The following DNM3 variants were observed in gnomAD, a reference collection of about 807,000 sequenced individuals.
DNM3 encodes the protein dynamin 3, also known as dynamin-3.
A neutral mutation model predicts 101.6 loss-of-function variants in DNM3; 47 were observed. The ratio of observed to expected loss-of-function variants is 0.46; its 90% CI spans 0.37 to 0.59. The LOEUF (loss-of-function observed/expected upper bound fraction) is 0.59, where lower values mean the gene tolerates loss of function less well. Ranked by LOEUF, DNM3 falls within the 20% of genes least tolerant of loss-of-function variation. DNM3 has a pLI of 0.00. For missense variants in DNM3, 849 were observed against 1,085.7 expected, an observed-to-expected ratio of 0.78 and a Z score of 3.06; for synonymous variants, 385 against 387.9, an observed-to-expected ratio of 0.99 and a Z score of 0.09.
chr1:171,923,495 AT>A (rs1210335506), intron 2 of DNM3, among the ~76,000 whole-genome samples: 1 of 151,164 alleles, frequency 6.6e-6, no homozygotes, highest in Non-Finnish European at 1.5e-5. Flanking sequence ...GAAGCACAAG[AT>A]TTTTTATTTT....
intron 17 of DNM3, among the ~76,000 whole-genome samples, chr1:172,348,964 T>C (rs2067073704): frequency 6.6e-6 from 1 of 152,196 alleles, no homozygotes; most frequent in Non-Finnish European, 1.5e-5. Flanking sequence ...CCAGTAGCAT[T>C]GTCAGTAAAC....
intron 14 of DNM3, among the ~76,000 whole-genome samples, chr1:172,191,274 A>C (rs1018220106): frequency 2.6e-5 from 4 of 152,072 alleles, no homozygotes; most frequent in African/African-American, 9.7e-5. Flanking sequence ...TAAATAGGGA[A>C]TCTTTCCCCA....
chr1:172,229,094 G>A (rs369407848), intron 14 of DNM3, among the ~76,000 whole-genome samples: 1 of 152,046 alleles, frequency 6.6e-6, no homozygotes, highest in East Asian at 1.9e-4. Flanking sequence ...AGTATCCAAC[G>A]AGTTAGGCTT....
chr1:172,070,000 A>G (rs2052028172), intron 11 of DNM3, among the ~76,000 whole-genome samples: 1 of 152,122 alleles, frequency 6.6e-6, no homozygotes. Flanking sequence ...AGAAAGGAGA[A>G]AAGGAAGGAC....
At chr1:171,996,784 T>C (rs2046024977) in intron 4 of DNM3, among the ~76,000 whole-genome samples, 1 of 152,124 alleles carries the variant, frequency 6.6e-6, no homozygotes, top group East Asian at 1.9e-4. Context: ...ATTCTAACAC[T>C]TTGGGAGGCC....
chr1:172,149,665 A>C (rs1338676133), intron 14 of DNM3, among the ~76,000 whole-genome samples: 1 of 152,154 alleles, frequency 6.6e-6, no homozygotes, highest in African/African-American at 2.4e-5. Context: ...CAAGAGAATC[A>C]TGGTGTCCTC....
chr1:172,033,195 T>G lies in DNM3; in HGVS notation c.779T>G (p.Leu260Arg). 3 of 1,609,738 alleles carry G rather than the reference T, an allele frequency of 1.9e-6. No homozygotes were observed. Among genetic ancestry groups the G allele is most frequent in the Non-Finnish European group, 2.5e-6 (3 of 1,177,992 alleles). Residue 260 changes from leucine to arginine, a missense_variant, in exon 6 of 21, where the codon CTT becomes CGT. By Grantham distance (102) the Leu-to-Arg change is moderately radical. Transcript: ENST00000627582. ...ATGCTGGCAGAGAGGAAGTTTTTCC[T>G]TTCCCACCCGGCTTACAGACATATC... ...AAMLAERKFFLSHPAYRHIAD... is the reference protein window; with the variant it reads ...AAMLAERKFFRSHPAYRHIAD...
Position 171,961,636 on chromosome 1 carries a change from C to G in DNM3, c.236-26020C>G, listed in dbSNP as rs546726415. Among the ~76,000 whole-genome samples, 5 of 152,262 alleles carry G rather than the reference C, an allele frequency of 3.3e-5. No individual in the cohort carries two copies. In the East Asian group the frequency reaches 5.8e-4, roughly 18 times the overall value. ...AAAGATTGGAAAGCGGGGGCCCAAA[C>G]AGATATGTGCCCACCAATGTTCACA... On this transcript the variant is annotated intron_variant, in intron 2 of 20. Transcript: ENST00000627582.
At chr1:171,987,005 G>A (rs545640948) in intron 2 of DNM3, among the ~76,000 whole-genome samples, 32 of 152,142 alleles carry the variant, frequency 2.1e-4, no homozygotes, top group African/African-American at 7.2e-4. Flanking sequence ...TGTTATTTAT[G>A]TAGTTATTTT....
intron 1 of DNM3, among the ~76,000 whole-genome samples, chr1:171,900,321 G>A (rs1162788485): frequency 1.3e-5 from 2 of 152,062 alleles, no homozygotes; most frequent in Non-Finnish European, 2.9e-5. Flanking sequence ...AGATTCACGG[G>A]TGGTAGCCAT....
intron 14 of DNM3, chr1:172,132,882 A>T: frequency 1.1e-6 from 1 of 881,216 alleles, no homozygotes; most frequent in Admixed American, 2.0e-5. Context: ...TATTTTCCTT[A>T]TTGCAGAACA....
At chr1:172,082,431 TTATCATGCAA>T (rs2053230562) in intron 12 of DNM3, among the ~76,000 whole-genome samples, 1 of 152,120 alleles carries the variant, frequency 6.6e-6, no homozygotes, top group Non-Finnish European at 1.5e-5. Flanking sequence ...TTCATATACG[TTATCATGCAA>T]ACGTTATGGT....
At chr1:171,956,302 T>A (rs1212532618) in intron 2 of DNM3, among the ~76,000 whole-genome samples, 3 of 152,088 alleles carry the variant, frequency 2.0e-5, no homozygotes, top group African/African-American at 7.2e-5. Context: ...ACAATGGGGG[T>A]ACCCACTGGA....
At position 172,081,898 on chromosome 1, in the gene DNM3, G is replaced by T; in HGVS notation, c.1489G>T (p.Ala497Ser). The T allele has an allele frequency of 2.5e-6, 4 of 1,612,316 alleles. No individual in the cohort carries two copies. The highest frequency in any genetic ancestry group is 2.2e-5 in the South Asian group (2 of 90,610). ...NTNHEDFIGF[A>S]NAQQRSSQVH... Reference sequence around the variant, plus strand: ...CAACCATGAAGACTTCATTGGCTTCGCAAAGTACGTGAAACACTTGATGGC... The same window carrying T: ...CAACCATGAAGACTTCATTGGCTTCTCAAAGTACGTGAAACACTTGATGGC... Residue 497 changes from alanine (A) to serine (S), a missense_variant, in exon 12 of 21, where the codon GCA becomes TCA. Physicochemically the swap from Ala to Ser is moderately conservative, Grantham distance 99 (BLOSUM62 1). Transcript: ENST00000627582.
intron 17 of DNM3, among the ~76,000 whole-genome samples, chr1:172,363,801 A>G (rs1470802719): frequency 6.6e-6 from 1 of 151,768 alleles, no homozygotes; most frequent in African/African-American, 2.4e-5. Context: ...TTCTCAATAT[A>G]TTTGTTACCA....
intron 15 of DNM3, among the ~76,000 whole-genome samples, chr1:172,267,713 C>CTT (rs200336379): frequency 1.3e-3 from 199 of 148,830 alleles, no homozygotes; most frequent in African/African-American, 4.8e-3. Flanking sequence ...TTCAGGTTTT[C>CTT]TTTTTTTTTT....
intron 14 of DNM3, among the ~76,000 whole-genome samples, chr1:172,221,167 C>CATT (rs1196173601): frequency 2.6e-5 from 4 of 152,008 alleles, no homozygotes; most frequent in African/African-American, 9.7e-5. Flanking sequence ...AACTTGGTCA[C>CATT]ATTATTATTA....
At position 172,317,316 on chromosome 1, in the gene DNM3, A is replaced by T. The variant is rs552898501; in HGVS notation, c.1882-6013A>T. 2.7e-3 allele frequency among the ~76,000 whole-genome samples: 414 copies of T among 151,874 alleles called. 1 individual carries two copies. Among genetic ancestry groups the T allele is most frequent in the African/African-American group, 9.4e-3 (388 of 41,408 alleles). ...GATCCAAAATTGACACCCTAACATC[A>T]CAATTAAAAGAACTAGAAAAGCAAG... On this transcript the variant is annotated intron_variant, in intron 16 of 20. Transcript: ENST00000627582.
intron 14 of DNM3, among the ~76,000 whole-genome samples, chr1:172,189,968 G>A (rs1480342710): frequency 6.7e-6 from 1 of 150,050 alleles, no homozygotes; most frequent in African/African-American, 2.5e-5. Flanking sequence ...ATAATCAAAT[G>A]ACCTCCCATT....
Sources: gnomAD v4.1 joint callset for allele counts (sites outside exome capture counted in the v4.1 genomes callset) on GRCh38, gnomAD v4.1.1 for gene constraint, MANE v1.5 for transcripts, NCBI Gene and HGNC (gene_info 2026-07-23, HGNC 2026-07-21) for gene names.